The following ZNF326 variants were observed in gnomAD, a reference collection of about 807,000 sequenced individuals.
ZNF326 encodes the protein zinc finger protein 326.
ZNF326 carries 30 observed loss-of-function variants against 63.1 expected under a neutral mutation model. The ratio of observed to expected loss-of-function variants is 0.48; its 90% CI spans 0.36 to 0.64. The LOEUF (loss-of-function observed/expected upper bound fraction) is 0.64, where lower values mean the gene tolerates loss of function less well. Among genes scored for constraint, ZNF326 ranks in the 30% least tolerant of loss-of-function variants. The probability of loss-of-function intolerance (pLI) is 0.00; values close to 1 mark genes in which losing one functional copy is unlikely to be tolerated. For missense variants in ZNF326, 609 were observed against 720.3 expected, an observed-to-expected ratio of 0.85 and a Z score of 1.77; for synonymous variants, 194 against 228.2, an observed-to-expected ratio of 0.85 and a Z score of 1.35.
rs746382929 is a variant in ZNF326 at position 90,027,406 on chromosome 1, G to C, written c.1454G>C (p.Gly485Ala). Residue 485 changes from glycine to alanine, a missense_variant, in exon 12 of 12, where the codon GGA (glycine) becomes GCA (alanine). Physicochemically the swap from Gly to Ala is moderately conservative, Grantham distance 60. Around this residue, in one of 3 missense-constraint regions of ZNF326, gnomAD observed 399 missense variants for 444.3 expected, o/e 0.90. Coordinates refer to ENST00000340281, the MANE Select transcript of ZNF326 (RefSeq NM_182976.4). Reference protein sequence around the residue: ...QDHSQDQQIEGDEEDEEKIDE... With the variant: ...QDHSQDQQIEADEEDEEKIDE... ...CATTCTCAGGATCAGCAAATAGAAG[G>C]AGATGAGGAGGATGAAGAGAAGATT... 2 of 1,614,012 alleles carry C rather than the reference G, an allele frequency of 1.2e-6. No individual in the cohort carries two copies. The highest frequency in any genetic ancestry group is 4.5e-5 in the East Asian group (2 of 44,858).
chr1:90,001,849 T>C (rs1648700960), intron 2 of ZNF326, among the ~76,000 whole-genome samples: 1 of 152,170 alleles, frequency 6.6e-6, no homozygotes, highest in Admixed American at 6.5e-5. Context: ...TAAGCCACCT[T>C]GCCCAGCCCA....
intron 6 of ZNF326, 121 bp from the exon 7 acceptor site, chr1:90,013,005 G>A: frequency 1.3e-6 from 1 of 746,486 alleles, no homozygotes; most frequent in Non-Finnish European, 1.9e-6. Flanking sequence ...TTTTTGGTGA[G>A]TTCAATTTTA....
rs141712820 is a variant in ZNF326 at position 90,009,645 on chromosome 1, A to C, written c.616-443A>C. 3.6e-3 allele frequency among the ~76,000 whole-genome samples: 549 copies of C among 152,180 alleles called. 9 individuals carry two copies. Among genetic ancestry groups the C allele is most frequent in the Admixed American group, 0.029 (436 of 15,282 alleles). ...ACTAAATGATTTCTGGATCTTTTTT[A>C]CTTCAAACTACAAATATGGTCTTCT... On this transcript the variant is annotated intron_variant, in intron 5 of 11. Coordinates refer to ENST00000340281, the MANE Select transcript of ZNF326 (RefSeq NM_182976.4).
At chr1:90,021,032 A>G in intron 10 of ZNF326, 110 bp downstream of exon 10, 9 of 1,141,080 alleles carry the variant, frequency 7.9e-6, no homozygotes, top group Non-Finnish European at 1.1e-5. Flanking sequence ...TATCAATCTC[A>G]TATGGAAATA....
chr1:90,008,090 A>G (rs1390984138), intron 5 of ZNF326, among the ~76,000 whole-genome samples: 2 of 152,220 alleles, frequency 1.3e-5, no homozygotes, highest in Non-Finnish European at 2.9e-5. Context: ...GTGAAAGGTC[A>G]CTGAACCCTT....
At position 90,034,261 on chromosome 1, in the gene ZNF326, C is replaced by T. The variant is rs1045907922; in HGVS notation, c.*6560C>T. On this transcript the variant is annotated 3_prime_UTR_variant, in exon 12 of 12. Coordinates refer to ENST00000340281, the MANE Select transcript of ZNF326 (RefSeq NM_182976.4). ...TAAGGGCACAGCAAGGACATTCTAC[C>T]AATTTTAGAACATGCAAGGATTTCA... 6.6e-6 allele frequency: 1 copy of T among 152,112 alleles called. No homozygotes were observed. The highest frequency in any genetic ancestry group is 2.4e-5 in the African/African-American group (1 of 41,420). 9.4% of individuals were successfully genotyped at this position (152,112 alleles called of 1,614,324 possible). A position where few individuals can be genotyped will look rare whatever the true frequency, so the allele number is the denominator to read the frequency against.
rs149978110 is a variant in ZNF326 at position 90,023,331 on chromosome 1, G to A, written c.1401+986G>A. Among the ~76,000 whole-genome samples, 73 of 152,304 alleles carry A rather than the reference G, an allele frequency of 4.8e-4. No individual in the cohort carries two copies. The South Asian group carries it at 8.5e-3, about 18-fold the overall frequency. On this transcript the variant is annotated intron_variant, in intron 11 of 11. Transcript: ENST00000340281. ...AACAGTGTGTTATTTACATTAGTAA[G>A]TATAGATTAAAGAAGTTTTGTTTAT...
At chr1:89,999,226 A>G (rs1648549160) in intron 2 of ZNF326, among the ~76,000 whole-genome samples, 1 of 152,174 alleles carries the variant, frequency 6.6e-6, no homozygotes, top group Non-Finnish European at 1.5e-5. Context: ...AATAAAGAGC[A>G]AATTAGCAGA....
intron 9 of ZNF326, among the ~76,000 whole-genome samples, chr1:90,019,158 AAAAAC>A (rs1240096299): frequency 4.6e-5 from 7 of 152,300 alleles, no homozygotes; most frequent in South Asian, 2.1e-4. Flanking sequence ...TTTACTTAAA[AAAAAC>A]AAAACAAAAC....
In ZNF326 at chr1:90,006,087, C is replaced by T. The variant is rs941219714; in HGVS notation, c.209+843C>T. The T allele has an allele frequency of 4.1e-6, 4 of 985,256 alleles. No individual in the cohort carries two copies. In the African/African-American group the frequency reaches 7.0e-5, roughly 17 times the overall value. The allele number at this position is 985,256 out of a possible 1,614,324, so 61.0% of individuals were successfully genotyped here. ...TGCATAAATTGAAGGATCCGGATTC[C>T]TTAATGATGGACTGAATGATGCTTA... On this transcript the variant is annotated intron_variant, in intron 4 of 11. Transcript: ENST00000340281.
rs1268648078 is a variant in ZNF326 at position 90,027,924 on chromosome 1, ATTGT to A, written c.*228_*231del. 9.7e-6 allele frequency: 5 copies of A among 516,720 alleles called. No homozygotes were observed. The highest frequency in any genetic ancestry group is 2.7e-5 in the South Asian group (1 of 36,602). The allele number at this position is 516,720 out of a possible 1,614,324, so 32.0% of individuals were successfully genotyped here. On this transcript the variant is annotated 3_prime_UTR_variant, in exon 12 of 12. Coordinates refer to ENST00000340281, the MANE Select transcript of ZNF326 (RefSeq NM_182976.4). ...TAGCTACCAGACTTAGATCCGATAA[ATTGT>A]TTGTATAATTTTTAAGCTTAATTTT...
At chr1:90,014,248 T>C (rs1156461585) in intron 7 of ZNF326, among the ~76,000 whole-genome samples, 2 of 152,046 alleles carry the variant, frequency 1.3e-5, no homozygotes, top group South Asian at 4.1e-4. Context: ...CAAAGGAAAT[T>C]ATGAGCAGAT....
intron 6 of ZNF326, among the ~76,000 whole-genome samples, chr1:90,010,603 T>C (rs1649191154): frequency 6.6e-6 from 1 of 152,162 alleles, no homozygotes; most frequent in Non-Finnish European, 1.5e-5. Flanking sequence ...TGAATGGTAA[T>C]GCCAGTATTT....
chr1:90,002,469 T>G (rs1648731884), intron 2 of ZNF326, among the ~76,000 whole-genome samples: 2 of 152,212 alleles, frequency 1.3e-5, no homozygotes, highest in Admixed American at 6.5e-5. Context: ...AATCTTATTT[T>G]TTAATATGAG....
At chr1:90,006,235 G>T in intron 4 of ZNF326, 1 of 984,696 alleles carries the variant, frequency 1.0e-6, no homozygotes, top group Middle Eastern at 5.2e-4. Flanking sequence ...TTGGAAATAG[G>T]AATAATTTTT....
intron 10 of ZNF326, among the ~76,000 whole-genome samples, chr1:90,021,636 A>C (rs1274714438): frequency 1.3e-5 from 2 of 152,166 alleles, no homozygotes; most frequent in African/African-American, 4.8e-5. Flanking sequence ...TTGTTTGAAA[A>C]GCATATTTAA....
chr1:90,023,713 A>G (rs887147880), intron 11 of ZNF326, among the ~76,000 whole-genome samples: 2 of 152,226 alleles, frequency 1.3e-5, no homozygotes, highest in Non-Finnish European at 2.9e-5. Flanking sequence ...GTATGAAGAT[A>G]ATTTTTAATG....
intron 2 of ZNF326, among the ~76,000 whole-genome samples, chr1:90,001,122 T>A (rs759108012): frequency 4.6e-5 from 7 of 152,184 alleles, no homozygotes; most frequent in Non-Finnish European, 8.8e-5. Context: ...GCAGCCTCCT[T>A]GGCCTCTATA....
At chr1:90,006,940 A>G (rs1649019345) in intron 4 of ZNF326, among the ~76,000 whole-genome samples, 1 of 152,240 alleles carries the variant, frequency 6.6e-6, no homozygotes, top group African/African-American at 2.4e-5. Flanking sequence ...GAAAGCCAAA[A>G]TATTGTAAAT....
Sources: allele counts gnomAD v4.1 joint callset (sites outside exome capture counted in the v4.1 genomes callset), GRCh38; gene constraint gnomAD v4.1.1; regional missense constraint gnomAD v4.1.1; transcripts MANE v1.5; gene names NCBI Gene and HGNC (gene_info 2026-07-23, HGNC 2026-07-21).